FRMPD1: variants seen among roughly 807,000 people sequenced by gnomAD.
FRMPD1 encodes FERM and PDZ domain containing 1.
In FRMPD1, 76 loss-of-function variants were observed where a neutral mutation model predicts 117.8. The observed-to-expected ratio is 0.65, with a 90% CI of 0.54 to 0.78. FRMPD1 has a LOEUF of 0.78. Among genes scored for constraint, FRMPD1 ranks in the 30% least tolerant of loss-of-function variants. The pLI is 0.00. For synonymous variants in FRMPD1, 783 were observed against 770.4 expected (o/e 1.02, Z -0.27); for missense variants, 1,786 against 1,964.5 (o/e 0.91, Z 1.72).
intron 6 of FRMPD1, among the ~76,000 whole-genome samples, chr9:37,723,475 TGAG>T (rs1204669765): frequency 6.6e-6 from 1 of 152,104 alleles, no homozygotes; most frequent in East Asian, 1.9e-4. Context: ...CCTGACATGG[TGAG>T]GAGGTTAGGG....
chr9:37,650,259 G>A (rs1195168220), upstream of FRMPD1, among the ~76,000 whole-genome samples: 3 of 152,206 alleles, frequency 2.0e-5, no homozygotes, highest in African/African-American at 7.2e-5. Context: ...CCAGAACCAG[G>A]GGAGTGGGTG....
rs10973465 is a variant in FRMPD1 at position 37,660,985 on chromosome 9, A to G, written c.-5+9891A>G. Among the ~76,000 whole-genome samples, 658 of 152,302 alleles carry G rather than the reference A, an allele frequency of 4.3e-3. 27 individuals carry two copies. In the East Asian group the frequency reaches 0.084, roughly 20 times the overall value. On this transcript the variant is annotated intron_variant, in intron 1 of 15. Transcript: ENST00000377765. ...TCAGTAGTATCCTGGCTAAGTCAAG[A>G]GCATATGTGGGCCTCTGTGTTTCTC...
chr9:37,746,775 T>C lies in FRMPD1; in HGVS notation c.*6T>C. ...GGGCATCCACGGCCCTGTAAACAGG[T>C]CAACGGCCCAAGGGCCTCCTGCCCT... On this transcript the variant is annotated 3_prime_UTR_variant, in exon 16 of 16. Coordinates refer to ENST00000377765, the MANE Select transcript of FRMPD1 (RefSeq NM_014907.3). 6.2e-7 allele frequency: 1 copy of C among 1,609,110 alleles called. No individual in the cohort carries two copies. Among genetic ancestry groups the C allele is most frequent in the Non-Finnish European group, 8.5e-7 (1 of 1,175,902 alleles).
intron 5 of FRMPD1, among the ~76,000 whole-genome samples, chr9:37,718,537 T>A (rs984497605): frequency 2.0e-5 from 3 of 152,196 alleles, no homozygotes; most frequent in Admixed American, 2.0e-4. Flanking sequence ...GAAAAGAAGG[T>A]ACCTTCCAAA....
chr9:37,701,480 TGTGTGTGTGCGCGC>T (rs1383914904), intron 2 of FRMPD1, among the ~76,000 whole-genome samples: 2 of 118,278 alleles, frequency 1.7e-5, no homozygotes, highest in South Asian at 2.6e-4. Context: ...ATTGTGTGTG[TGTGTGTGTGCGCGC>T]GTGTGTGTGC....
At chr9:37,635,531 C>T in the FRMPD1 span, among the ~76,000 whole-genome samples, 5 of 152,204 alleles carry the variant, frequency 3.3e-5, no homozygotes, top group South Asian at 1.0e-3. Flanking sequence ...AGTGGCTTTT[C>T]CTTGCAAAAT....
intron 4 of FRMPD1, among the ~76,000 whole-genome samples, chr9:37,709,482 G>T (rs1186265543): frequency 6.6e-6 from 1 of 151,844 alleles, no homozygotes; most frequent in African/African-American, 2.4e-5. Flanking sequence ...TTGAACCCGG[G>T]AGGCAGAGGT....
At position 37,739,949 on chromosome 9, in the gene FRMPD1, G is replaced by A. The variant is rs73445201; in HGVS notation, c.1550-129G>A. The A allele has an allele frequency of 1.2e-3, 833 of 708,544 alleles. 5 individuals carry two copies. The African/African-American group carries it at 0.013, about 11-fold the overall frequency. The allele number at this position is 708,544 out of a possible 1,614,324, so 43.9% of individuals were successfully genotyped here. A position where few individuals can be genotyped will look rare whatever the true frequency, so the allele number is the denominator to read the frequency against. On this transcript the variant is annotated intron_variant, in intron 14 of 15. Coordinates refer to ENST00000377765, the MANE Select transcript of FRMPD1 (RefSeq NM_014907.3). Reference sequence around the variant, plus strand: ...ATCCCGTGTTCGTCAGTATAGGACGGTCTTAGGCCAGCCACCCTCTGGCCC... The same window carrying A: ...ATCCCGTGTTCGTCAGTATAGGACGATCTTAGGCCAGCCACCCTCTGGCCC...
chr9:37,640,673 T>A, the FRMPD1 span, among the ~76,000 whole-genome samples: 1 of 152,330 alleles, frequency 6.6e-6, no homozygotes, highest in East Asian at 1.9e-4. Flanking sequence ...AGGTTATCTT[T>A]GTCTGTCAAT....
At chr9:37,629,337 A>G in the FRMPD1 span, among the ~76,000 whole-genome samples, 13 of 152,258 alleles carry the variant, frequency 8.5e-5, no homozygotes, top group African/African-American at 3.1e-4. Flanking sequence ...ATTTCTATAA[A>G]TGAAGTAACT....
At chr9:37,657,662 T>C (rs1452331486) in intron 1 of FRMPD1, among the ~76,000 whole-genome samples, 1 of 152,228 alleles carries the variant, frequency 6.6e-6, no homozygotes, top group Admixed American at 6.5e-5. Flanking sequence ...TCATTCCTGG[T>C]TATTTTCAGT....
chr9:37,666,203 G>C (rs1821155331), intron 1 of FRMPD1, among the ~76,000 whole-genome samples: 1 of 152,016 alleles, frequency 6.6e-6, no homozygotes, highest in Admixed American at 6.6e-5. Flanking sequence ...GGCATTTTTT[G>C]GGTGTCTTCT....
intron 1 of FRMPD1, among the ~76,000 whole-genome samples, chr9:37,690,147 C>T (rs147310251): frequency 7.0e-4 from 106 of 152,080 alleles, no homozygotes; most frequent in African/African-American, 2.5e-3. Context: ...ATTACACTTC[C>T]TGGACAGGTA....
chr9:37,704,078 C>T (rs1377269643), intron 2 of FRMPD1, among the ~76,000 whole-genome samples: 2 of 152,170 alleles, frequency 1.3e-5, no homozygotes, highest in Non-Finnish European at 2.9e-5. Flanking sequence ...AAGAAACTTC[C>T]AGACACTTAA....
At chr9:37,613,958 A>T in the FRMPD1 span, among the ~76,000 whole-genome samples, 1 of 152,232 alleles carries the variant, frequency 6.6e-6, no homozygotes, top group Non-Finnish European at 1.5e-5. Flanking sequence ...CACTCAGGAA[A>T]TATTTGTCAA....
chr9:37,745,001 T>C lies in FRMPD1; in HGVS notation c.2969T>C (p.Leu990Ser), dbSNP rs201246604. ...DTAQARPSQI[L>S]PLSQDLDGIA... ...GCTCAGGCAAGGCCTTCCCAAATCT[T>C]ACCTCTATCTCAAGACCTGGATGGG... Residue 990 changes from leucine to serine, a missense_variant, in exon 16 of 16, where the codon TTA becomes TCA. By Grantham distance (145) the Leu-to-Ser change is moderately radical. Transcript: ENST00000377765. The C allele has an allele frequency of 1.3e-5, 21 of 1,614,062 alleles. No individual in the cohort carries two copies. Among genetic ancestry groups the C allele is most frequent in the Non-Finnish European group, 1.7e-5 (20 of 1,180,036 alleles).
the FRMPD1 span, among the ~76,000 whole-genome samples, chr9:37,639,335 A>ACAT: frequency 2.0e-5 from 3 of 152,070 alleles, no homozygotes; most frequent in East Asian, 5.8e-4. Context: ...GCCTGGAGCT[A>ACAT]GTAGTTTGCA....
intron 5 of FRMPD1, among the ~76,000 whole-genome samples, chr9:37,712,110 CTAATT>C (rs1822929028): frequency 6.6e-6 from 1 of 152,070 alleles, no homozygotes; most frequent in Admixed American, 6.5e-5. Context: ...ACTTAATAAT[CTAATT>C]TAATTGACCA....
chr9:37,665,940 T>A (rs888797915), intron 1 of FRMPD1, among the ~76,000 whole-genome samples: 1 of 152,154 alleles, frequency 6.6e-6, no homozygotes, highest in Non-Finnish European at 1.5e-5. Flanking sequence ...GGACGTAACA[T>A]TAGTCTGCAG....
Sources: allele counts gnomAD v4.1 joint callset (sites outside exome capture counted in the v4.1 genomes callset), GRCh38; gene constraint gnomAD v4.1.1; transcripts MANE v1.5; gene names NCBI Gene and HGNC (gene_info 2026-07-23, HGNC 2026-07-21).